PRKCA: variants seen among roughly 807,000 people sequenced by gnomAD.
PRKCA encodes protein kinase C alpha type.
A neutral mutation model predicts 87.0 loss-of-function variants in PRKCA; 27 were observed. The observed-to-expected ratio is 0.31, with a 90% confidence interval of 0.23 to 0.43. The LOEUF is 0.43. PRKCA is among the 20% of genes least tolerant of loss of function. The pLI, the probability that PRKCA is intolerant of heterozygous loss-of-function variation, is 1.00. For missense variants in PRKCA, 518 were observed against 852.3 expected, an observed-to-expected ratio of 0.61 and a Z score of 4.88; for synonymous variants, 329 against 311.1, an observed-to-expected ratio of 1.06 and a Z score of -0.61.
chr17:66,348,471 T>C (rs1418872010), intron 2 of PRKCA, among the ~76,000 whole-genome samples: 1 of 152,126 alleles, frequency 6.6e-6, no homozygotes, highest in Non-Finnish European at 1.5e-5. Flanking sequence ...GGCTCAGTAT[T>C]ATCATTAAAG....
intron 2 of PRKCA, among the ~76,000 whole-genome samples, chr17:66,306,820 A>G (rs749934525): frequency 6.6e-6 from 1 of 152,094 alleles, no homozygotes; most frequent in Non-Finnish European, 1.5e-5. Context: ...TTCCTTTTTG[A>G]AGAAACCCAC....
chr17:66,745,629 T>C (rs894750158), intron 13 of PRKCA, among the ~76,000 whole-genome samples: 1 of 152,078 alleles, frequency 6.6e-6, no homozygotes, highest in African/African-American at 2.4e-5. Context: ...TGCAGTGAGC[T>C]AAGATCGTGC....
At chr17:66,423,260 T>A (rs1912592822) in intron 2 of PRKCA, among the ~76,000 whole-genome samples, 1 of 152,202 alleles carries the variant, frequency 6.6e-6, no homozygotes. Flanking sequence ...GCCCCTCATG[T>A]CATCAAGCTG....
intron 2 of PRKCA, among the ~76,000 whole-genome samples, chr17:66,381,637 T>C (rs1201087437): frequency 1.3e-5 from 2 of 152,220 alleles, no homozygotes; most frequent in African/African-American, 2.4e-5. Context: ...AATGTACTTA[T>C]GTAGCATGGA....
intron 2 of PRKCA, among the ~76,000 whole-genome samples, chr17:66,488,238 C>T (rs950053727): frequency 6.6e-6 from 1 of 152,004 alleles, no homozygotes; most frequent in Non-Finnish European, 1.5e-5. Context: ...TTCAAACTGG[C>T]GTGAACAATA....
At chr17:66,729,952 A>G (rs1973847271) in intron 8 of PRKCA, among the ~76,000 whole-genome samples, 2 of 151,864 alleles carry the variant, frequency 1.3e-5, no homozygotes, top group African/African-American at 4.8e-5. Context: ...CACCATGCCC[A>G]GCTAATTTTT....
Position 66,718,560 on chromosome 17 carries a change from T to G in PRKCA, c.919-14128T>G, listed in dbSNP as rs143226347. 6.6e-3 allele frequency among the ~76,000 whole-genome samples: 1,003 copies of G among 152,320 alleles called. 11 individuals carry two copies. The highest frequency in any genetic ancestry group is 0.014 in the Middle Eastern group (4 of 294). On this transcript the variant is annotated intron_variant, in intron 8 of 16. Coordinates refer to ENST00000413366, the MANE Select transcript of PRKCA (RefSeq NM_002737.3). Reference sequence around the variant, plus strand: ...CTCAAACTCCCAGCCTCAAGCTATCTTTCTGCCTCAGCCTTTCAAAAATGC... The same window carrying G: ...CTCAAACTCCCAGCCTCAAGCTATCGTTCTGCCTCAGCCTTTCAAAAATGC...
intron 2 of PRKCA, among the ~76,000 whole-genome samples, chr17:66,375,707 G>C (rs1398744513): frequency 6.6e-6 from 1 of 152,062 alleles, no homozygotes; most frequent in African/African-American, 2.4e-5. Context: ...TTACACTTCA[G>C]GTCATCTACA....
In PRKCA at chr17:66,732,962, T is replaced by A. The variant is rs923219700; in HGVS notation, c.1056+137T>A. ...GTCAGGAGATCAAGACCATCCTGGC[T>A]AACACGGTGAAGCCCCATCTCTACT... On this transcript the variant is annotated intron_variant, in intron 9 of 16. Coordinates refer to ENST00000413366, the MANE Select transcript of PRKCA (RefSeq NM_002737.3). 20 of 1,115,422 alleles carry A rather than the reference T, an allele frequency of 1.8e-5. No individual in the cohort carries two copies. In the East Asian group the frequency reaches 4.8e-4, roughly 27 times the overall value. The allele number at this position is 1,115,422 out of a possible 1,614,324, so 69.1% of individuals were successfully genotyped here.
chr17:66,628,053 G>A (rs1376235878), intron 3 of PRKCA, among the ~76,000 whole-genome samples: 1 of 152,030 alleles, frequency 6.6e-6, no homozygotes, highest in African/African-American at 2.4e-5. Context: ...GAAAAACCAA[G>A]GATTAACATA....
At chr17:66,404,598 T>A (rs1567811504) in intron 2 of PRKCA, among the ~76,000 whole-genome samples, 1 of 152,134 alleles carries the variant, frequency 6.6e-6, no homozygotes. Flanking sequence ...GGAACCTGTT[T>A]GTCTTGTTAG....
chr17:66,521,037 G>A (rs1448570813), intron 3 of PRKCA, among the ~76,000 whole-genome samples: 1 of 152,126 alleles, frequency 6.6e-6, no homozygotes, highest in Non-Finnish European at 1.5e-5. Context: ...GGGACAGTGT[G>A]GCTTGTGGCA....
At chr17:66,619,635 A>G (rs1256506372) in intron 3 of PRKCA, among the ~76,000 whole-genome samples, 2 of 152,344 alleles carry the variant, frequency 1.3e-5, no homozygotes, top group South Asian at 2.1e-4. Flanking sequence ...AGGGATGGCA[A>G]TGCTGTGCAA....
intron 14 of PRKCA, among the ~76,000 whole-genome samples, chr17:66,784,017 T>G (rs1975312761): frequency 6.6e-6 from 1 of 152,232 alleles, no homozygotes; most frequent in African/African-American, 2.4e-5. Flanking sequence ...TAATAATTTT[T>G]CAATGAGGGA....
chr17:66,803,584 G>T lies in PRKCA; in HGVS notation c.1855-289G>T, dbSNP rs1274402743. Among the ~76,000 whole-genome samples the T allele has an allele frequency of 6.6e-6, 1 of 152,186 alleles. No individual in the cohort carries two copies. Among genetic ancestry groups the T allele is most frequent in the African/African-American group, 2.4e-5 (1 of 41,454 alleles). ...TCAGCTCCGCTTGCTCGGTGAGGTG[G>T]ACGTGAGGGGACAGGGGCTGTCCCC... is the stretch of plus-strand genomic sequence containing the variant. On this transcript the variant is annotated intron_variant, in intron 16 of 16. Coordinates refer to ENST00000413366, the MANE Select transcript of PRKCA (RefSeq NM_002737.3). This position sits in a 1 kb window ranked among gnomAD's most constrained non-coding sequence, Gnocchi z 4.4.
intron 14 of PRKCA, chr17:66,777,541 T>C (rs147064173): frequency 1.0e-6 from 1 of 980,842 alleles, no homozygotes; most frequent in East Asian, 1.2e-4. Context: ...GAAACAGGAG[T>C]TGTCTGCTCC....
intron 3 of PRKCA, among the ~76,000 whole-genome samples, chr17:66,614,483 G>A (rs1387323660): frequency 6.6e-6 from 1 of 152,062 alleles, no homozygotes; most frequent in African/African-American, 2.4e-5. Context: ...GAATTTGTTG[G>A]TGAGTTCTTA....
Position 66,688,884 on chromosome 17 carries a change from G to T in PRKCA, c.822-67G>T. The T allele has an allele frequency of 4.0e-6, 4 of 1,008,552 alleles. No individual in the cohort carries two copies. The South Asian group carries it at 4.2e-5, about 11-fold the overall frequency. The allele number at this position is 1,008,552 out of a possible 1,614,324, so 62.5% of individuals were successfully genotyped here. Reference sequence around the variant, plus strand: ...TAGGATGCGTTTCACAAAACCGCTCGACTAGAGGCTGCAGGAAAGGCTTGT... The same window carrying T: ...TAGGATGCGTTTCACAAAACCGCTCTACTAGAGGCTGCAGGAAAGGCTTGT... On this transcript the variant is annotated intron_variant, in intron 7 of 16. Transcript: ENST00000413366.
At chr17:66,653,909 T>C (rs1317186479) in intron 5 of PRKCA, among the ~76,000 whole-genome samples, 1 of 152,188 alleles carries the variant, frequency 6.6e-6, no homozygotes, top group Non-Finnish European at 1.5e-5. Flanking sequence ...GAGGGGTAAC[T>C]GCTCTTCATG....
Sources: gnomAD v4.1 joint callset for allele counts (sites outside exome capture counted in the v4.1 genomes callset) on GRCh38, gnomAD v4.1.1 for gene constraint, Gnocchi (gnomAD v3.1) non-coding constraint, MANE v1.5 for transcripts, NCBI Gene and HGNC (gene_info 2026-07-23, HGNC 2026-07-21) for gene names.